Variants in LRRC41 observed in about 807,000 individuals in gnomAD.
The protein encoded by LRRC41 is leucine-rich repeat-containing protein 41.
A neutral mutation model predicts 72.1 loss-of-function variants in LRRC41; 17 were observed. The observed-to-expected ratio is 0.24, with a 90% CI of 0.16 to 0.35. The LOEUF is 0.35. Among genes scored for constraint, LRRC41 ranks in the 10% least tolerant of loss-of-function variants. LRRC41 has a pLI of 1.00. For missense variants in LRRC41, 759 were observed against 1,065.0 expected (o/e 0.71, Z 4.00); for synonymous variants, 427 against 431.0 (o/e 0.99, Z 0.11).
rs201408120 is a variant in LRRC41 at position 46,303,192 on chromosome 1, G to C, written c.131C>G (p.Pro44Arg). Residue 44 changes from proline (P) to arginine (R), a missense_variant, in exon 1 of 10, where the codon CCC becomes CGC. Pro to Arg is a moderately radical substitution (Grantham distance 103, BLOSUM62 -2). Transcript: ENST00000617190. ...CCGCCCGCACAGCTCGAACAGGGCG[G>C]GGGGAGCGTTGGGGCCCGAGGCCGA... is the stretch of plus-strand genomic sequence containing the variant. ...KSSASGPNAP[P>R]ALFELCGRAV... 0.016 allele frequency: 25,703 copies of C among 1,575,876 alleles called. 266 individuals are homozygous for C. The highest frequency in any genetic ancestry group is 0.021 in the Non-Finnish European group (23,933 of 1,165,688).
At position 46,303,051 on chromosome 1, in the gene LRRC41, G is replaced by A. The variant is rs913959615; in HGVS notation, c.199+73C>T. 3.2e-5 allele frequency: 43 copies of A among 1,330,932 alleles called. No individual in the cohort carries two copies. In the African/African-American group the frequency reaches 5.9e-4, roughly 18 times the overall value. 82.4% of individuals were successfully genotyped at this position (1,330,932 alleles called of 1,614,324 possible). A position where few individuals can be genotyped will look rare whatever the true frequency, so the allele number is the denominator to read the frequency against. Reference sequence around the variant, plus strand: ...GCCTTGCCCCGGGCCTCCCGGCCTCGCCCCCCGCGCCCCCCGGCCGCTGGG... The same window carrying A: ...GCCTTGCCCCGGGCCTCCCGGCCTCACCCCCCGCGCCCCCCGGCCGCTGGG... On this transcript the variant is annotated intron_variant, in intron 1 of 9. Coordinates refer to ENST00000617190, the MANE Select transcript of LRRC41 (RefSeq NM_006369.5).
In LRRC41 at chr1:46,278,761, CAGAAAG is replaced by C; in HGVS notation, c.*98_*103del. 1 of 1,160,720 alleles carries C rather than the reference CAGAAAG, an allele frequency of 8.6e-7. No homozygotes were observed. The highest frequency in any genetic ancestry group is 1.2e-6 in the Non-Finnish European group (1 of 806,214). 71.9% of individuals were successfully genotyped at this position (1,160,720 alleles called of 1,614,324 possible). A position where few individuals can be genotyped will look rare whatever the true frequency, so the allele number is the denominator to read the frequency against. On this transcript the variant is annotated 3_prime_UTR_variant, in exon 10 of 10. Coordinates refer to ENST00000617190, the MANE Select transcript of LRRC41 (RefSeq NM_006369.5). The stretch of plus-strand genomic sequence containing the variant: ...GAAGGAAAAAAGAGAAAAAAGGTGA[CAGAAAG>C]AGAAAGATAGAACTGGTGGTTGGGG...
At chr1:46,283,985 G>A (rs1660833964) in intron 4 of LRRC41, among the ~76,000 whole-genome samples, 1 of 152,026 alleles carries the variant, frequency 6.6e-6, no homozygotes, top group African/African-American at 2.4e-5. Context: ...TTTTAAGGTA[G>A]TGAAAAAAAA....
chr1:46,294,123 TTTTTG>T (rs1314002197), intron 3 of LRRC41, among the ~76,000 whole-genome samples: 7 of 152,090 alleles, frequency 4.6e-5, no homozygotes, highest in East Asian at 1.9e-4. Flanking sequence ...TTTTTTGTTG[TTTTTG>T]TTTTAAGACA....
rs955052451 is a variant in LRRC41 at position 46,279,412 on chromosome 1, G to A, written c.2143+80C>T. On this transcript the variant is annotated intron_variant, in intron 8 of 9. Coordinates refer to ENST00000617190, the MANE Select transcript of LRRC41 (RefSeq NM_006369.5). The surrounding 1 kb of genome is among the most constrained non-coding windows in gnomAD (Gnocchi z 4.5). ...CAACTCCCACGTTCCCAGTGGAGAG[G>A]TCTTTGCCTTTATCCAGTGAGTTTT... The A allele has an allele frequency of 1.9e-6, 3 of 1,604,274 alleles. No homozygotes were observed. Among genetic ancestry groups the A allele is most frequent in the African/African-American group, 2.7e-5 (2 of 74,708 alleles).
chr1:46,283,690 A>G (rs1264614075), intron 4 of LRRC41, among the ~76,000 whole-genome samples: 1 of 152,082 alleles, frequency 6.6e-6, no homozygotes, highest in Non-Finnish European at 1.5e-5. Flanking sequence ...AACTCTGAAT[A>G]AACAGAGGAG....
At chr1:46,300,856 A>G (rs1661208200) in intron 1 of LRRC41, 2 of 152,212 alleles carry the variant, frequency 1.3e-5, no homozygotes, top group Non-Finnish European at 2.9e-5. Context: ...TAAAATAGCA[A>G]TGCTTAGCAG....
At position 46,277,806 on chromosome 1, in the gene LRRC41, C is replaced by A; in HGVS notation, c.*1059G>T. 6.2e-7 allele frequency: 1 copy of A among 1,600,286 alleles called. No homozygotes were observed. The highest frequency in any genetic ancestry group is 8.6e-7 in the Non-Finnish European group (1 of 1,167,880). ...TGTATCTTTTGACATTCCCCACCTCCTCTTCCCCAGGCAGGGACCATTGAG... is the reference window on the plus strand; with the variant it reads ...TGTATCTTTTGACATTCCCCACCTCATCTTCCCCAGGCAGGGACCATTGAG... On this transcript the variant is annotated 3_prime_UTR_variant, in exon 10 of 10. Coordinates refer to ENST00000617190, the MANE Select transcript of LRRC41 (RefSeq NM_006369.5).
At position 46,285,027 on chromosome 1, in the gene LRRC41, C is replaced by T. The variant is rs1150065; in HGVS notation, c.1495+335G>A. The T allele has an allele frequency of 0.018, 4,996 of 282,400 alleles. 245 individuals carry two copies. The highest frequency in any genetic ancestry group is 0.099 in the African/African-American group (4,689 of 47,250). 17.5% of individuals were successfully genotyped at this position (282,400 alleles called of 1,614,324 possible). On this transcript the variant is annotated intron_variant, in intron 4 of 9. Coordinates refer to ENST00000617190, the MANE Select transcript of LRRC41 (RefSeq NM_006369.5). This position sits in a 1 kb window ranked among gnomAD's most constrained non-coding sequence, Gnocchi z 5.3. ...GATATGACTGGTGAGGTGGTGAGGT[C>T]AAACTCTAGCCCTGCCTGAGCATGC...
chr1:46,291,994 A>G (rs1158338849), intron 3 of LRRC41, among the ~76,000 whole-genome samples: 1 of 151,862 alleles, frequency 6.6e-6, no homozygotes, highest in Non-Finnish European at 1.5e-5. Context: ...TGGGAGGTAC[A>G]TGCCAACACG....
Position 46,303,180 on chromosome 1 carries a change from T to A in LRRC41, c.143A>T (p.Glu48Val), listed in dbSNP as rs766564629. 1 of 1,565,724 alleles carries A rather than the reference T, an allele frequency of 6.4e-7. No homozygotes were observed. The change falls in exon 1 of 10, where the codon GAG becomes GTG. Residue 48 changes from glutamate (E) to valine (V), a missense_variant. By Grantham distance (121) the Glu-to-Val change is moderately radical (BLOSUM62 -2). This residue lies in a region of LRRC41 where 116 missense variants were observed against 250.9 expected (regional missense o/e 0.46). Transcript: ENST00000617190. ...SGPNAPPALFELCGRAVSAHM... is the reference protein window; with the variant it reads ...SGPNAPPALFVLCGRAVSAHM... ...GGCGCTCACCGCCCGCCCGCACAGC[T>A]CGAACAGGGCGGGGGGAGCGTTGGG...
At position 46,302,336 on chromosome 1, in the gene LRRC41, G is replaced by A. The variant is rs1661253594; in HGVS notation, c.199+788C>T. ...ATTCGAGCCTCCCTCGCTTGTTTAAGCCGCTCCGGGCCCCCCTCCACTCGC... is the reference window on the plus strand; with the variant it reads ...ATTCGAGCCTCCCTCGCTTGTTTAAACCGCTCCGGGCCCCCCTCCACTCGC... On this transcript the variant is annotated intron_variant, in intron 1 of 9. Transcript: ENST00000617190. The surrounding 1 kb of genome is among the most constrained non-coding windows in gnomAD (Gnocchi z 4.7). 1 of 985,240 alleles carries A rather than the reference G, an allele frequency of 1.0e-6. No individual in the cohort carries two copies. Among genetic ancestry groups the A allele is most frequent in the African/African-American group, 1.7e-5 (1 of 57,210 alleles). 61.0% of individuals were successfully genotyped at this position (985,240 alleles called of 1,614,324 possible).
rs1660772158 is a variant in LRRC41 at position 46,281,399 on chromosome 1, G to A, written c.1496-14C>T. On this transcript the variant is annotated splice_polypyrimidine_tract_variant and intron_variant, in intron 4 of 9. Coordinates refer to ENST00000617190, the MANE Select transcript of LRRC41 (RefSeq NM_006369.5). Reference sequence around the variant, plus strand: ...TAGAGCCCAGGCCTATGGCAAGAAAGAGATTAAGTCAGAACCATGTGGGAG... The same window carrying A: ...TAGAGCCCAGGCCTATGGCAAGAAAAAGATTAAGTCAGAACCATGTGGGAG... 6.2e-7 allele frequency: 1 copy of A among 1,613,628 alleles called. No homozygotes were observed. The highest frequency in any genetic ancestry group is 1.3e-5 in the African/African-American group (1 of 74,932).
At chr1:46,283,044 A>T (rs905050775) in intron 4 of LRRC41, among the ~76,000 whole-genome samples, 5 of 151,862 alleles carry the variant, frequency 3.3e-5, no homozygotes, top group Admixed American at 3.3e-4. Context: ...AAAAAAAGAT[A>T]CAACTATAGA....
At chr1:46,294,897 T>C (rs1027258889) in intron 3 of LRRC41, among the ~76,000 whole-genome samples, 1 of 151,394 alleles carries the variant, frequency 6.6e-6, no homozygotes, top group African/African-American at 2.4e-5. Context: ...CCGGCCACAA[T>C]TTATTGTTTA....
chr1:46,296,425 A>G (rs1037591432), intron 3 of LRRC41, among the ~76,000 whole-genome samples: 2 of 149,910 alleles, frequency 1.3e-5, no homozygotes, highest in Non-Finnish European at 3.0e-5. Flanking sequence ...CTCAAACAAA[A>G]CAAAACAAAA....
chr1:46,278,070 A>G lies in LRRC41; in HGVS notation c.*795T>C. The G allele has an allele frequency of 6.2e-7, 1 of 1,614,138 alleles. No homozygotes were observed. The highest frequency in any genetic ancestry group is 8.5e-7 in the Non-Finnish European group (1 of 1,179,996). On this transcript the variant is annotated 3_prime_UTR_variant, in exon 10 of 10. Coordinates refer to ENST00000617190, the MANE Select transcript of LRRC41 (RefSeq NM_006369.5). ...GACTTCAGCTGTGCCTTCTGTCCCT[A>G]GGTTGCACTGCCGACGTTGTGTCAA...
rs879327816 is a variant in LRRC41, at chr1:46,302,795, CAGCCG to C, written c.199+324_199+328del. The C allele has an allele frequency of 3.6e-5, 35 of 985,224 alleles. No individual in the cohort carries two copies. The highest frequency in any genetic ancestry group is 4.2e-5 in the Non-Finnish European group (35 of 829,904). The allele number at this position is 985,224 out of a possible 1,614,324, so 61.0% of individuals were successfully genotyped here. A position where few individuals can be genotyped will look rare whatever the true frequency, so the allele number is the denominator to read the frequency against. On this transcript the variant is annotated intron_variant, in intron 1 of 9. Transcript: ENST00000617190. The surrounding 1 kb of genome is among the most constrained non-coding windows in gnomAD (Gnocchi z 4.7). ...ACATCCGAGACTCTCCTGCCCGGCC[CAGCCG>C]AGTGTCAGTTCGCGCGGCCCACAGC...
In LRRC41 at chr1:46,278,099, C is replaced by G. The variant is rs1660674006; in HGVS notation, c.*766G>C. ...TGCACTGCCGACGTTGTGTCAACAGCCGTCAGATCCGGCCACCCCCTGATG... is the reference window on the plus strand; with the variant it reads ...TGCACTGCCGACGTTGTGTCAACAGGCGTCAGATCCGGCCACCCCCTGATG... On this transcript the variant is annotated 3_prime_UTR_variant, in exon 10 of 10. Transcript: ENST00000617190. 6.2e-7 allele frequency: 1 copy of G among 1,613,910 alleles called. No individual in the cohort carries two copies. Among genetic ancestry groups the G allele is most frequent in the Non-Finnish European group, 8.5e-7 (1 of 1,179,954 alleles).
Sources: gnomAD v4.1 joint callset for allele counts (sites outside exome capture counted in the v4.1 genomes callset) on GRCh38, gnomAD v4.1.1 for gene constraint, gnomAD v4.1.1 regional missense constraint, Gnocchi (gnomAD v3.1) non-coding constraint, MANE v1.5 for transcripts, NCBI Gene and HGNC (gene_info 2026-07-23, HGNC 2026-07-21) for gene names.